The following DNAH8 variants were observed in gnomAD, a reference collection of about 807,000 sequenced individuals.
DNAH8 encodes the protein axonemal beta dynein heavy chain 8.
DNAH8 carries 382 observed loss-of-function variants against 562.1 expected under a neutral mutation model. The observed-to-expected ratio is 0.68, with a 90% CI of 0.63 to 0.74. DNAH8 has a LOEUF of 0.74. Ranked by LOEUF, DNAH8 falls within the 30% of genes least tolerant of loss-of-function variation. The pLI is 0.00. For synonymous variants in DNAH8, 1,881 were observed against 1,919.4 expected, an observed-to-expected ratio of 0.98 and a Z score of 0.52; for missense variants, 5,203 against 5,620.4, an observed-to-expected ratio of 0.93 and a Z score of 2.37.
intron 47 of DNAH8, 148 bp downstream of exon 47, chr6:38,867,024 G>A (rs1002123153): frequency 8.6e-6 from 5 of 580,486 alleles, no homozygotes; most frequent in African/African-American, 1.9e-5. Flanking sequence ...TATTGGTTGT[G>A]TATTTTTAAG....
intron 82 of DNAH8, among the ~76,000 whole-genome samples, chr6:38,967,616 T>C (rs1189643594): frequency 1.3e-5 from 2 of 152,028 alleles, no homozygotes; most frequent in Non-Finnish European, 2.9e-5. Flanking sequence ...AAAAACATCA[T>C]TAAAAAATTA....
At chr6:38,731,803 C>A (rs997048145) in intron 4 of DNAH8, among the ~76,000 whole-genome samples, 3 of 152,194 alleles carry the variant, frequency 2.0e-5, no homozygotes, top group African/African-American at 7.2e-5. Context: ...CAGCCTCCGC[C>A]TCCCGGGTTC....
intron 29 of DNAH8, among the ~76,000 whole-genome samples, chr6:38,827,282 G>A (rs1470014887): frequency 6.6e-6 from 1 of 152,142 alleles, no homozygotes; most frequent in Non-Finnish European, 1.5e-5. Context: ...TATCTGCAAA[G>A]TCCCTTTTAC....
At chr6:38,816,002 A>G (rs1173068760) in intron 26 of DNAH8, among the ~76,000 whole-genome samples, 1 of 151,878 alleles carries the variant, frequency 6.6e-6, no homozygotes, top group African/African-American at 2.4e-5. Flanking sequence ...TGTTATGAAC[A>G]TTTTTTTGAC....
chr6:38,948,326 A>T (rs901129777), intron 80 of DNAH8, among the ~76,000 whole-genome samples: 1 of 151,586 alleles, frequency 6.6e-6, no homozygotes, highest in Non-Finnish European at 1.5e-5. Flanking sequence ...TTTTTATTTT[A>T]ATTTTAATTT....
At chr6:38,718,787 A>G (rs1034108219) in intron 1 of DNAH8, among the ~76,000 whole-genome samples, 1 of 152,168 alleles carries the variant, frequency 6.6e-6, no homozygotes, top group African/African-American at 2.4e-5. Context: ...ATTTATCTTA[A>G]CAGATTCTGA....
At chr6:38,945,296 G>A (rs1473788303) in intron 79 of DNAH8, among the ~76,000 whole-genome samples, 171 bp from the exon 80 acceptor site, 2 of 152,078 alleles carry the variant, frequency 1.3e-5, no homozygotes, top group East Asian at 1.9e-4. Flanking sequence ...AAAACACTAA[G>A]ACTTGAAGGA....
intron 56 of DNAH8, among the ~76,000 whole-genome samples, chr6:38,886,167 C>A (rs1356824061): frequency 1.3e-5 from 2 of 151,966 alleles, no homozygotes; most frequent in Non-Finnish European, 2.9e-5. Context: ...GAGGAAAGAG[C>A]CCAGGATGGA....
At position 38,862,298 on chromosome 6, in the gene DNAH8, T is replaced by TGATATAG; in HGVS notation, c.6150_6151insGATATAG (p.Gln2051AspfsTer67). ...TTTGCAGATGCTATATCACGTTAGC[T>TGATATAG]CAGGCCTTGGGCATGAACATGGGAG... On this transcript the variant is annotated frameshift_variant, in exon 44 of 93. Transcript: ENST00000327475. LOFTEE classifies it high-confidence loss of function. 1 of 1,613,700 alleles carries TGATATAG rather than the reference T, an allele frequency of 6.2e-7. No homozygotes were observed. Among genetic ancestry groups the TGATATAG allele is most frequent in the Admixed American group, 1.7e-5 (1 of 59,930 alleles).
At chr6:38,843,855 G>A (rs1053142414) in intron 35 of DNAH8, among the ~76,000 whole-genome samples, 2 of 152,104 alleles carry the variant, frequency 1.3e-5, no homozygotes, top group African/African-American at 4.8e-5. Flanking sequence ...GTCCGTTTGT[G>A]TCTTCGTTTT....
At chr6:38,929,690 AAAGAAAGAAAGAAAGAAAAG>A in intron 75 of DNAH8, 24 bp downstream of exon 75, 2 of 1,463,540 alleles carry the variant, frequency 1.4e-6, no homozygotes, top group East Asian at 2.4e-5. Flanking sequence ...AAAAAAAAAA[AAAGAAAGAAAGAAAGAAAAG>A]AAAAAGAAAA....
At chr6:38,812,345 T>G (rs1448613523) in intron 24 of DNAH8, among the ~76,000 whole-genome samples, 1 of 152,200 alleles carries the variant, frequency 6.6e-6, no homozygotes, top group African/African-American at 2.4e-5. Flanking sequence ...AGAAGCTTTT[T>G]TGAAGTATGA....
intron 82 of DNAH8, among the ~76,000 whole-genome samples, chr6:38,960,512 A>G (rs547463217): frequency 1.9e-4 from 29 of 152,186 alleles, no homozygotes; most frequent in African/African-American, 6.7e-4. Context: ...GCAAAAAGAT[A>G]TATGAAAAAG....
intron 11 of DNAH8, among the ~76,000 whole-genome samples, chr6:38,769,008 T>C (rs1767298838): frequency 6.6e-6 from 1 of 152,202 alleles, no homozygotes; most frequent in Non-Finnish European, 1.5e-5. Context: ...TCTTTTAAGG[T>C]CCTAAAGATT....
At chr6:38,923,910 A>G in intron 72 of DNAH8, 81 bp from the exon 73 acceptor site, 2 of 1,461,976 alleles carry the variant, frequency 1.4e-6, no homozygotes, top group East Asian at 2.3e-5. Context: ...TCACCCAGTA[A>G]CAGAGCAAAA....
rs753496815 is a variant in DNAH8 at position 38,883,027 on chromosome 6, T to TAG, written c.7978_7979dup (p.Asp2660GlufsTer29). 6 of 1,600,198 alleles carry TAG rather than the reference T, an allele frequency of 3.7e-6. No homozygotes were observed. The highest frequency in any genetic ancestry group is 5.1e-6 in the Non-Finnish European group (6 of 1,175,710). On this transcript the variant is annotated frameshift_variant, in exon 54 of 93. Coordinates refer to ENST00000327475, the MANE Select transcript of DNAH8 (RefSeq NM_001206927.2). LOFTEE classifies it high-confidence loss of function. ...GACAATATTAGAACAAATTTTTTGATAGACACCATTGCAAAACAACATAAA... is the reference window on the plus strand; with the variant it reads ...GACAATATTAGAACAAATTTTTTGATAGAGACACCATTGCAAAACAACATAAA...
In DNAH8 at chr6:38,857,832, T is replaced by C. The variant is rs118122991; in HGVS notation, c.5958+90T>C. On this transcript the variant is annotated intron_variant, in intron 42 of 92. Coordinates refer to ENST00000327475, the MANE Select transcript of DNAH8 (RefSeq NM_001206927.2). ...TTGCCTAACTTACATGAACTTTCCA[T>C]TTACTTGGTCCTTTTTCATAACTGT... 37 of 797,292 alleles carry C rather than the reference T, an allele frequency of 4.6e-5. No homozygotes were observed. The East Asian group carries it at 9.2e-4, about 20-fold the overall frequency. The allele number at this position is 797,292 out of a possible 1,614,324, so 49.4% of individuals were successfully genotyped here.
intron 54 of DNAH8, 90 bp from the exon 55 acceptor site, chr6:38,883,232 A>C: frequency 7.0e-7 from 1 of 1,422,940 alleles, no homozygotes; most frequent in Non-Finnish European, 9.4e-7. Flanking sequence ...TAGTTGTATT[A>C]ATTTATAGAA....
Position 38,782,896 on chromosome 6 carries a change from C to T in DNAH8, c.2260-108C>T, listed in dbSNP as rs1237771255. ...GTTTTACTGTGAGGCAGAATCTAAA[C>T]TGGTAGCATAATTATTTGATATCAT... On this transcript the variant is annotated intron_variant, in intron 16 of 92. Transcript: ENST00000327475. 14 of 1,034,694 alleles carry T rather than the reference C, an allele frequency of 1.4e-5. No homozygotes were observed. In the African/African-American group the frequency reaches 2.1e-4, roughly 16 times the overall value. 64.1% of individuals were successfully genotyped at this position (1,034,694 alleles called of 1,614,324 possible).
Sources: gnomAD v4.1 joint callset for allele counts (sites outside exome capture counted in the v4.1 genomes callset) on GRCh38, gnomAD v4.1.1 for gene constraint, MANE v1.5 for transcripts, NCBI Gene and HGNC (gene_info 2026-07-23, HGNC 2026-07-21) for gene names.